Variants in AHNAK2 observed in about 807,000 individuals in gnomAD.
AHNAK2 encodes the protein AHNAK nucleoprotein 2, also known as protein AHNAK2.
AHNAK2 carries 18 observed loss-of-function variants against 30.7 expected under a neutral mutation model. The ratio of observed to expected loss-of-function variants is 0.59; its 90% CI spans 0.41 to 0.87. The LOEUF (loss-of-function observed/expected upper bound fraction) is 0.87, where lower values mean the gene tolerates loss of function less well. AHNAK2 is among the 40% of genes least tolerant of loss of function. The pLI, the probability that AHNAK2 is intolerant of heterozygous loss-of-function variation, is 0.00. For synonymous variants in AHNAK2, 3,590 were observed against 3,073.8 expected (o/e 1.17, Z -5.56); for missense variants, 8,604 against 7,373.0 (o/e 1.17, Z -6.11).
rs200125180 is a variant in AHNAK2 at position 104,948,136 on chromosome 14, C to T, written c.7315G>A (p.Ala2439Thr). The change falls in exon 7 of 7, where the codon GCC becomes ACC. Residue 2439 changes from alanine to threonine, a missense_variant. Coordinates refer to ENST00000333244, the MANE Select transcript of AHNAK2 (RefSeq NM_138420.4). ...DLKGPKTDVM[A>T]PDVEVSQPSV... ...GGCTGAGACACCTCCACGTCGGGGG[C>T]CATCACGTCCGTCTTGGGGCCTTTC... 3.5e-4 allele frequency: 564 copies of T among 1,612,426 alleles called. 3 individuals carry two copies. In the African/African-American group the frequency reaches 6.9e-3, roughly 20 times the overall value.
At chr14:104,973,726 G>T (rs74721253) in intron 1 of AHNAK2, among the ~76,000 whole-genome samples, 3,480 of 152,276 alleles carry the variant, frequency 0.023, 146 homozygotes, top group African/African-American at 0.08. Flanking sequence ...GAACAGCCTG[G>T]GCAATTGCCT....
Position 104,942,497 on chromosome 14 carries a change from C to T in AHNAK2, c.12954G>A (p.Glu4318=). ...FGVSAPGKSI[E]ASLDVSALKV... Reference sequence around the variant, plus strand: ...TCAGCGCAGACACATCCAACGAGGCCTCGATGGACTTGCCTGGGGCAGACA... The same window carrying T: ...TCAGCGCAGACACATCCAACGAGGCTTCGATGGACTTGCCTGGGGCAGACA... Residue 4318 remains glutamate, a synonymous_variant, in exon 7 of 7, where the codon GAG becomes GAA. Transcript: ENST00000333244. 1 of 1,613,096 alleles carries T rather than the reference C, an allele frequency of 6.2e-7. No homozygotes were observed. The highest frequency in any genetic ancestry group is 8.5e-7 in the Non-Finnish European group (1 of 1,179,620).
rs1342235828 is a variant in AHNAK2 at position 104,955,545 on chromosome 14, C to T, written c.404G>A (p.Gly135Glu). 1 of 1,613,668 alleles carries T rather than the reference C, an allele frequency of 6.2e-7. No individual in the cohort carries two copies. The highest frequency in any genetic ancestry group is 8.5e-7 in the Non-Finnish European group (1 of 1,179,832). Residue 135 changes from glycine (G) to glutamate (E), a missense_variant, in exon 5 of 7, where the codon GGG (glycine) becomes GAG (glutamate). Coordinates refer to ENST00000333244, the MANE Select transcript of AHNAK2 (RefSeq NM_138420.4). Reference sequence around the variant, plus strand: ...CTTCAGCACTTGCTTGACGAAGATCCCCTGGTCCCCACCACCTGTGACACT... The same window carrying T: ...CTTCAGCACTTGCTTGACGAAGATCTCCTGGTCCCCACCACCTGTGACACT... ...GYSVTGGGDQ[G>E]IFVKQVLKDS...
chr14:104,951,878 G>T lies in AHNAK2; in HGVS notation c.3573C>A (p.Pro1191=), dbSNP rs571729079. ...GGAGACTCACGTCGGCCTCCACTTTGGGTGCAGACACATCCACCGAGGCCT... is the reference window on the plus strand; with the variant it reads ...GGAGACTCACGTCGGCCTCCACTTTTGGTGCAGACACATCCACCGAGGCCT... ...SIEASVDVSA[P]KVEADVSLPS... The change falls in exon 7 of 7, where the codon CCC becomes CCA. Residue 1191 remains proline, a synonymous_variant. Transcript: ENST00000333244. 26 of 1,608,330 alleles carry T rather than the reference G, an allele frequency of 1.6e-5. 1 individual carries two copies. Among genetic ancestry groups the T allele is most frequent in the South Asian group, 1.0e-4 (9 of 90,374 alleles).
Position 104,938,194 on chromosome 14 carries a change from GC to G in AHNAK2, c.17256del (p.Pro5753LeufsTer10), listed in dbSNP as rs759412438. The G allele has an allele frequency of 5.0e-6, 8 of 1,613,776 alleles. No homozygotes were observed. Among genetic ancestry groups the G allele is most frequent in the African/African-American group, 2.7e-5 (2 of 74,908 alleles). ...PEEKEEGELI[G>X]PVGTGLDSRV... ...CTGGAGTCCAGCCCAGTGCCCACAGGCCCGATCAGTTCACCCTCTTCCTTCT... is the reference window on the plus strand; with the variant it reads ...CTGGAGTCCAGCCCAGTGCCCACAGGCCGATCAGTTCACCCTCTTCCTTCT... On this transcript the variant is annotated frameshift_variant, in exon 7 of 7. Coordinates refer to ENST00000333244, the MANE Select transcript of AHNAK2 (RefSeq NM_138420.4). LOFTEE classifies it low-confidence loss of function (END_TRUNC).
chr14:104,962,489 A>C (rs1169500357), intron 1 of AHNAK2, among the ~76,000 whole-genome samples: 1 of 152,188 alleles, frequency 6.6e-6, no homozygotes, highest in African/African-American at 2.4e-5. Context: ...GCAGTGGCAC[A>C]ATCTCAGCTC....
chr14:104,965,519 T>C (rs1416751560), intron 1 of AHNAK2, among the ~76,000 whole-genome samples: 1 of 152,036 alleles, frequency 6.6e-6, no homozygotes, highest in Non-Finnish European at 1.5e-5. Context: ...CTCTAAATAT[T>C]CCAAGAAGAA....
Position 104,942,990 on chromosome 14 carries a change from G to A in AHNAK2, c.12461C>T (p.Ala4154Val), listed in dbSNP as rs201721608. Residue 4154 changes from alanine to valine, a missense_variant, in exon 7 of 7, where the codon GCG becomes GTG. Coordinates refer to ENST00000333244, the MANE Select transcript of AHNAK2 (RefSeq NM_138420.4). ...GVSAPGKSME[A>V]SVDVSELKAK... ...CTTCAGCTCAGACACATCCACGGACGCCTCCATGGACTTGCCTGGGGCCGA... is the reference window on the plus strand; with the variant it reads ...CTTCAGCTCAGACACATCCACGGACACCTCCATGGACTTGCCTGGGGCCGA... 43 of 1,613,060 alleles carry A rather than the reference G, an allele frequency of 2.7e-5. 1 individual carries two copies. The Admixed American group carries it at 4.3e-4, about 16-fold the overall frequency.
At position 104,957,352 on chromosome 14, in the gene AHNAK2, C is replaced by G; in HGVS notation, c.213+58G>C. On this transcript the variant is annotated intron_variant, in intron 3 of 6. Coordinates refer to ENST00000333244, the MANE Select transcript of AHNAK2 (RefSeq NM_138420.4). ...TGAACAGACATGCGTGAGTTGCCCA[C>G]ACAGGGCGATGCAGGAGGAGACCTG... The G allele has an allele frequency of 4.1e-6, 6 of 1,481,012 alleles. No homozygotes were observed. In the South Asian group the frequency reaches 7.4e-5, roughly 18 times the overall value. 91.7% of individuals were successfully genotyped at this position (1,481,012 alleles called of 1,614,324 possible).
In AHNAK2 at chr14:104,947,305, G is replaced by A; in HGVS notation, c.8146C>T (p.Leu2716Phe). 1.9e-6 allele frequency: 3 copies of A among 1,611,988 alleles called. No homozygotes were observed. Among genetic ancestry groups the A allele is most frequent in the Non-Finnish European group, 2.5e-6 (3 of 1,179,400 alleles). The change falls in exon 7 of 7, where the codon CTC (leucine) becomes TTC (phenylalanine). Residue 2716 changes from leucine to phenylalanine, a missense_variant. Leu to Phe is a conservative substitution (Grantham distance 22). Coordinates refer to ENST00000333244, the MANE Select transcript of AHNAK2 (RefSeq NM_138420.4). ...CCCTCGGGAACGTGGCCCTCTGGGA[G>A]TTTCACATCCACCTGGCCAGCCTGG... ...EVQAGQVDVKLPEGHVPEGAG... is the reference protein window; with the variant it reads ...EVQAGQVDVKFPEGHVPEGAG...
At position 104,952,278 on chromosome 14, in the gene AHNAK2, T is replaced by G. The variant is rs768324024; in HGVS notation, c.3173A>C (p.Gln1058Pro). 1 of 1,612,606 alleles carries G rather than the reference T, an allele frequency of 6.2e-7. No individual in the cohort carries two copies. The highest frequency in any genetic ancestry group is 2.2e-5 in the East Asian group (1 of 44,766). ...GAGCTTCACATCCACCTGGTCAGCC[T>G]GGACCTTCAGGTCAGTAGAAGCAGG... Reference protein sequence around the residue: ...IQPASTDLKVQADQVDVKLPE... With the variant: ...IQPASTDLKVPADQVDVKLPE... Residue 1058 changes from glutamine to proline, a missense_variant, in exon 7 of 7, where the codon CAG becomes CCG. Physicochemically the swap from Gln to Pro is moderately conservative, Grantham distance 76. Coordinates refer to ENST00000333244, the MANE Select transcript of AHNAK2 (RefSeq NM_138420.4).
In AHNAK2 at chr14:104,947,033, C is replaced by G; in HGVS notation, c.8418G>C (p.Met2806Ile). 1 of 1,612,466 alleles carries G rather than the reference C, an allele frequency of 6.2e-7. No homozygotes were observed. The highest frequency in any genetic ancestry group is 8.5e-7 in the Non-Finnish European group (1 of 1,179,604). ...TTTTGAACTTGCTGTCTTTGGCTGT[C>G]ATGCCCTTGTCGGCCAGGGACAGGT... Reference protein sequence around the residue: ...EGDLSLADKGMTAKDSKFKMP... With the variant: ...EGDLSLADKGITAKDSKFKMP... The change falls in exon 7 of 7, where the codon ATG becomes ATC. Residue 2806 changes from methionine (M) to isoleucine (I), a missense_variant. Physicochemically the swap from Met to Ile is conservative, Grantham distance 10. Transcript: ENST00000333244.
chr14:104,949,957 A>G lies in AHNAK2; in HGVS notation c.5494T>C (p.Ser1832Pro), dbSNP rs1421947440. Residue 1832 changes from serine to proline, a missense_variant, in exon 7 of 7, where the codon TCG becomes CCG. Ser to Pro is a moderately conservative substitution (Grantham distance 74). Transcript: ENST00000333244. ...KFKMPKFKMP[S>P]FGVSAPGKSI... ...TTGCCTGGGGCAGACACCCCGAACG[A>G]CGGCATCTTGAACTTGGGCATTTTG... 1.9e-6 allele frequency: 3 copies of G among 1,588,084 alleles called. No individual in the cohort carries two copies. Among genetic ancestry groups the G allele is most frequent in the Middle Eastern group, 1.7e-4 (1 of 6,030 alleles).
chr14:104,946,974 G>A lies in AHNAK2; in HGVS notation c.8477C>T (p.Ser2826Leu), dbSNP rs763057564. 34 of 1,612,396 alleles carry A rather than the reference G, an allele frequency of 2.1e-5. No homozygotes were observed. The South Asian group carries it at 2.3e-4, about 11-fold the overall frequency. ...PKFKMPSFGV[S>L]APGKSIEASV... The stretch of plus-strand genomic sequence containing the variant: ...GGCCTCGATGGACTTGCCTGGGGCC[G>A]ACACCCCGAATGACGGCATCTTGAA... Residue 2826 changes from serine (S) to leucine (L), a missense_variant, in exon 7 of 7, where the codon TCG becomes TTG. Ser to Leu is a moderately radical substitution (Grantham distance 145). Transcript: ENST00000333244.
chr14:104,962,271 T>C (rs1489376866), intron 1 of AHNAK2, among the ~76,000 whole-genome samples: 1 of 152,178 alleles, frequency 6.6e-6, no homozygotes, highest in South Asian at 2.1e-4. Context: ...CTCAGAAACC[T>C]GTCTTGACGA....
intron 5 of AHNAK2, 127 bp downstream of exon 5, chr14:104,955,356 T>C: frequency 7.2e-7 from 1 of 1,391,246 alleles, no homozygotes; most frequent in South Asian, 1.4e-5. Context: ...CCTCAAGCTG[T>C]TGAGCAGAGG....
rs573661191 is a variant in AHNAK2, at chr14:104,955,919, G to A, written c.316-286C>T. 1.1e-4 allele frequency among the ~76,000 whole-genome samples: 17 copies of A among 152,370 alleles called. 1 individual carries two copies. In the South Asian group the frequency reaches 3.1e-3, roughly 28 times the overall value. ...GGCCCAGCAGGGCACCAGGAGCAGC[G>A]CAGAACGGATTCTGCTTTCCCTGTG... On this transcript the variant is annotated intron_variant, in intron 4 of 6. Coordinates refer to ENST00000333244, the MANE Select transcript of AHNAK2 (RefSeq NM_138420.4).
rs2819424 is a variant in AHNAK2, at chr14:104,944,438, A to G, written c.11013T>C (p.Asp3671=). The G allele has an allele frequency of 0.55, 879,936 of 1,611,344 alleles. 243,415 individuals carry two copies. Among genetic ancestry groups the G allele is most frequent in the African/African-American group, 0.71 (52,879 of 73,998 alleles). ...VDVSAPKVEA[D]VSLPSMQGDL... ...CCCCCTGCATGGAGGGGAGACTCACATCGGCTTCCACCTTGGGTGCAGACA... is the reference window on the plus strand; with the variant it reads ...CCCCCTGCATGGAGGGGAGACTCACGTCGGCTTCCACCTTGGGTGCAGACA... The change falls in exon 7 of 7, where the codon GAT becomes GAC. Residue 3671 remains aspartate, a synonymous_variant. Coordinates refer to ENST00000333244, the MANE Select transcript of AHNAK2 (RefSeq NM_138420.4).
Position 104,948,430 on chromosome 14 carries a change from C to T in AHNAK2, c.7021G>A (p.Ala2341Thr), listed in dbSNP as rs763764933. Reference protein sequence around the residue: ...SALGKSIEASADVSALKVEAD... With the variant: ...SALGKSIEASTDVSALKVEAD... Reference sequence around the variant, plus strand: ...TCCACCTTCAACGCAGACACATCCGCTGAGGCCTCGATGGACTTGCCAAGG... The same window carrying T: ...TCCACCTTCAACGCAGACACATCCGTTGAGGCCTCGATGGACTTGCCAAGG... The change falls in exon 7 of 7, where the codon GCG becomes ACG. Residue 2341 changes from alanine (A) to threonine (T), a missense_variant. Physicochemically the swap from Ala to Thr is moderately conservative, Grantham distance 58 (BLOSUM62 0). Coordinates refer to ENST00000333244, the MANE Select transcript of AHNAK2 (RefSeq NM_138420.4). The T allele has an allele frequency of 1.4e-5, 22 of 1,611,158 alleles. No homozygotes were observed. Among genetic ancestry groups the T allele is most frequent in the Non-Finnish European group, 1.9e-5 (22 of 1,178,920 alleles).
Sources: allele counts gnomAD v4.1 joint callset (sites outside exome capture counted in the v4.1 genomes callset), GRCh38; gene constraint gnomAD v4.1.1; transcripts MANE v1.5; gene names NCBI Gene and HGNC (gene_info 2026-07-23, HGNC 2026-07-21).